Variants in SEL1L2 observed in about 807,000 individuals in gnomAD.
SEL1L2 encodes SEL1L2 adaptor subunit of SYVN1 ubiquitin ligase.
Under a neutral mutation model 98.8 loss-of-function variants are expected in SEL1L2, and 89 were observed. That is an observed-to-expected ratio of 0.90 (90% CI 0.76 to 1.07). The LOEUF (loss-of-function observed/expected upper bound fraction) is 1.07. Ranked by LOEUF, SEL1L2 falls within the 50% of genes least tolerant of loss-of-function variation. The pLI is 0.00. For synonymous variants in SEL1L2, 262 were observed against 278.5 expected (o/e 0.94, Z 0.59); for missense variants, 788 against 812.0 (o/e 0.97, Z 0.36).
chr20:13,858,768 C>G (rs954628171), intron 18 of SEL1L2, among the ~76,000 whole-genome samples: 4 of 151,612 alleles, frequency 2.6e-5, no homozygotes, highest in African/African-American at 4.9e-5. Context: ...GAGATTCACT[C>G]TCTTTGGCCT....
chr20:13,880,879 A>T (rs1389165679), intron 10 of SEL1L2, among the ~76,000 whole-genome samples: 2 of 152,068 alleles, frequency 1.3e-5, no homozygotes, highest in African/African-American at 4.8e-5. Flanking sequence ...TATTATTTGG[A>T]CCCATATCTC....
rs1417854852 is a variant in SEL1L2 at position 13,915,568 on chromosome 20, G to A, written c.387-1624C>T. 2.0e-5 allele frequency among the ~76,000 whole-genome samples: 3 copies of A among 152,128 alleles called. No homozygotes were observed. The East Asian group carries it at 5.8e-4, about 29-fold the overall frequency. ...ACAGAAACCTGAGATAGGCTGCAGG[G>A]GCCTCCAATAGTACGCCTAGTAGCT... On this transcript the variant is annotated intron_variant, in intron 4 of 19. Coordinates refer to ENST00000284951, the MANE Select transcript of SEL1L2 (RefSeq NM_025229.2).
At chr20:13,927,413 T>C (rs2048951863) in intron 3 of SEL1L2, among the ~76,000 whole-genome samples, 1 of 152,210 alleles carries the variant, frequency 6.6e-6, no homozygotes, top group South Asian at 2.1e-4. Context: ...ACTTGTTATA[T>C]GTGAGAAATT....
Position 13,983,814 on chromosome 20 carries a change from G to C in SEL1L2, c.58+6663C>G, listed in dbSNP as rs375079458. Among the ~76,000 whole-genome samples the C allele has an allele frequency of 3.3e-5, 5 of 151,468 alleles. No individual in the cohort carries two copies. In the South Asian group the frequency reaches 1.0e-3, roughly 32 times the overall value. On this transcript the variant is annotated intron_variant, in intron 1 of 19. Transcript: ENST00000284951. ...GGGATTGTAGGTATGAACCACTGTG[G>C]CCCGCCAGCACTAGCTTTTAAAAAA...
chr20:13,901,828 A>G (rs1368739346), intron 5 of SEL1L2, among the ~76,000 whole-genome samples: 3 of 151,450 alleles, frequency 2.0e-5, no homozygotes, highest in African/African-American at 7.3e-5. Flanking sequence ...CGCCCGGCTA[A>G]TTTTTTGTAT....
At chr20:13,917,136 C>CTGAA (rs2048439902) in intron 4 of SEL1L2, among the ~76,000 whole-genome samples, 3 of 152,108 alleles carry the variant, frequency 2.0e-5, no homozygotes, top group African/African-American at 7.2e-5. Flanking sequence ...AGTTAGGGGT[C>CTGAA]ATCTGAAATC....
At chr20:13,882,817 T>TC (rs1382015813) in intron 10 of SEL1L2, among the ~76,000 whole-genome samples, 16 of 122,324 alleles carry the variant, frequency 1.3e-4, no homozygotes, top group African/African-American at 5.0e-4. Flanking sequence ...TTTGTCTTTT[T>TC]TTTTTTTTTT....
chr20:13,928,067 T>C (rs2048974963), intron 3 of SEL1L2: 1 of 152,226 alleles, frequency 6.6e-6, no homozygotes, highest in Non-Finnish European at 1.5e-5. Flanking sequence ...CAATTTTTAA[T>C]GGTCACCTTA....
At chr20:13,890,100 T>C (rs1307949225) in intron 5 of SEL1L2, among the ~76,000 whole-genome samples, 2 of 152,178 alleles carry the variant, frequency 1.3e-5, no homozygotes, top group Non-Finnish European at 2.9e-5. Flanking sequence ...AGCCATTTAA[T>C]TTCACCCATG....
intron 4 of SEL1L2, among the ~76,000 whole-genome samples, chr20:13,916,097 G>C (rs771739540): frequency 1.6e-4 from 24 of 152,130 alleles, no homozygotes; most frequent in Admixed American, 5.2e-4. Context: ...CTTAATATCT[G>C]TACTTTAAAC....
intron 1 of SEL1L2, among the ~76,000 whole-genome samples, chr20:13,958,523 C>T (rs1291650542): frequency 1.3e-5 from 2 of 152,080 alleles, no homozygotes; most frequent in Non-Finnish European, 2.9e-5. Context: ...CAAACTTGAG[C>T]GATTTTCTTA....
intron 5 of SEL1L2, among the ~76,000 whole-genome samples, chr20:13,907,620 G>A (rs944731404): frequency 2.0e-5 from 3 of 152,104 alleles, no homozygotes; most frequent in Non-Finnish European, 2.9e-5. Flanking sequence ...CACACTTAGA[G>A]ATCACCACCA....
chr20:13,947,689 T>G (rs2050082738), intron 2 of SEL1L2, among the ~76,000 whole-genome samples: 1 of 152,246 alleles, frequency 6.6e-6, no homozygotes, highest in Non-Finnish European at 1.5e-5. Context: ...AGGGACTCCC[T>G]GAGCCAGGGC....
chr20:13,849,770 G>A, intron 19 of SEL1L2, among the ~76,000 whole-genome samples, 166 bp from the exon 20 acceptor site: 1 of 152,166 alleles, frequency 6.6e-6, no homozygotes, highest in South Asian at 2.1e-4. Context: ...CTTCCACAAG[G>A]GGCTTAAATA....
chr20:13,976,411 T>A (rs1371030794), intron 1 of SEL1L2, among the ~76,000 whole-genome samples: 1 of 152,106 alleles, frequency 6.6e-6, no homozygotes, highest in Non-Finnish European at 1.5e-5. Context: ...ATGGCGGTGA[T>A]GGGGAAGAAG....
chr20:13,885,894 G>A (rs986324835), intron 9 of SEL1L2, among the ~76,000 whole-genome samples: 1 of 152,064 alleles, frequency 6.6e-6, no homozygotes, highest in Non-Finnish European at 1.5e-5. Context: ...AATTAGCCAG[G>A]CGTGGTGGTG....
intron 3 of SEL1L2, among the ~76,000 whole-genome samples, chr20:13,923,721 T>C (rs962191436): frequency 2.6e-5 from 4 of 152,294 alleles, no homozygotes; most frequent in African/African-American, 9.6e-5. Context: ...GCCACTGCAC[T>C]CCAGCCTTGG....
chr20:13,861,169 T>C (rs1990073123), intron 17 of SEL1L2, among the ~76,000 whole-genome samples: 1 of 152,116 alleles, frequency 6.6e-6, no homozygotes, highest in African/African-American at 2.4e-5. Flanking sequence ...ATGATCTTTT[T>C]TTTTATTTTT....
chr20:13,922,568 T>A (rs531709533), intron 3 of SEL1L2, among the ~76,000 whole-genome samples: 1 of 152,188 alleles, frequency 6.6e-6, no homozygotes, highest in African/African-American at 2.4e-5. Flanking sequence ...AATCAGATTT[T>A]AAAAAAAGGA....
Sources: gnomAD v4.1 joint callset for allele counts (sites outside exome capture counted in the v4.1 genomes callset) on GRCh38, gnomAD v4.1.1 for gene constraint, MANE v1.5 for transcripts, NCBI Gene and HGNC (gene_info 2026-07-23, HGNC 2026-07-21) for gene names.